The following TEK variants were observed in gnomAD, a reference collection of about 807,000 sequenced individuals.
TEK encodes the protein angiopoietin-1 receptor.
In TEK, 43 loss-of-function variants were observed where a neutral mutation model predicts 131.8. The observed-to-expected ratio is 0.33, with a 90% CI of 0.26 to 0.42. The LOEUF is 0.42. Ranked by LOEUF, TEK falls within the 10% of genes least tolerant of loss-of-function variation. The pLI, the probability that TEK is intolerant of heterozygous loss-of-function variation, is 1.00. For synonymous variants in TEK, 580 were observed against 491.6 expected (o/e 1.18, Z -2.38); for missense variants, 1,162 against 1,384.4 (o/e 0.84, Z 2.55).
At chr9:27,146,325 A>G (rs1462375039) in intron 1 of TEK, among the ~76,000 whole-genome samples, 1 of 152,200 alleles carries the variant, frequency 6.6e-6, no homozygotes, top group Non-Finnish European at 1.5e-5. Flanking sequence ...ATACAACTCT[A>G]TGAGTTTTAA....
chr9:27,138,491 T>C (rs1564053917), intron 1 of TEK, among the ~76,000 whole-genome samples: 1 of 152,218 alleles, frequency 6.6e-6, no homozygotes, highest in Non-Finnish European at 1.5e-5. Flanking sequence ...AGAGTGCTGA[T>C]TGGTGCATTT....
chr9:27,223,409 A>T (rs191026215), intron 21 of TEK, among the ~76,000 whole-genome samples: 10 of 151,542 alleles, frequency 6.6e-5, no homozygotes, highest in Admixed American at 5.9e-4. Context: ...AACGGAAATC[A>T]TAACAGTTTC....
At chr9:27,192,276 T>C (rs1824849195) in intron 10 of TEK, among the ~76,000 whole-genome samples, 1 of 152,196 alleles carries the variant, frequency 6.6e-6, no homozygotes. Flanking sequence ...AAATACACAC[T>C]TTAATGTGTA....
chr9:27,201,783 A>T (rs1825221547), intron 12 of TEK, among the ~76,000 whole-genome samples: 1 of 152,220 alleles, frequency 6.6e-6, no homozygotes, highest in African/African-American at 2.4e-5. Flanking sequence ...TGGAAAAACA[A>T]TGGTGTATGG....
chr9:27,142,269 G>A (rs899205096), intron 1 of TEK, among the ~76,000 whole-genome samples: 3 of 152,186 alleles, frequency 2.0e-5, no homozygotes, highest in Non-Finnish European at 2.9e-5. Context: ...GAATCTTTAC[G>A]ATACAATGAG....
Position 27,172,682 on chromosome 9 carries a change from T to C in TEK, c.695T>C (p.Val232Ala), listed in dbSNP as rs1824002685. ...HLCTACMNNG[V>A]CHEDTGECIC... ...TGTACTGCTTGTATGAACAATGGTGTCTGCCATGAAGATACTGGAGAATGC... is the reference window on the plus strand; with the variant it reads ...TGTACTGCTTGTATGAACAATGGTGCCTGCCATGAAGATACTGGAGAATGC... Residue 232 changes from valine to alanine, a missense_variant, in exon 5 of 23, where the codon GTC (valine) becomes GCC (alanine). This residue lies in a region of TEK where 436 missense variants were observed against 539.1 expected (regional missense o/e 0.81). Transcript: ENST00000380036. 1.2e-6 allele frequency: 2 copies of C among 1,613,714 alleles called. No individual in the cohort carries two copies. The highest frequency in any genetic ancestry group is 1.7e-6 in the Non-Finnish European group (2 of 1,179,760).
intron 1 of TEK, among the ~76,000 whole-genome samples, chr9:27,123,406 C>T (rs958103566): frequency 2.6e-5 from 4 of 152,146 alleles, no homozygotes; most frequent in African/African-American, 9.7e-5. Flanking sequence ...CAGGTACTCT[C>T]CTTCCCCTGC....
intron 1 of TEK, among the ~76,000 whole-genome samples, chr9:27,139,027 G>A (rs1822615000): frequency 6.6e-6 from 1 of 151,744 alleles, no homozygotes; most frequent in African/African-American, 2.4e-5. Context: ...GGCTAACCTG[G>A]TGAAATCCAT....
intron 1 of TEK, among the ~76,000 whole-genome samples, chr9:27,127,018 A>T (rs566924615): frequency 6.6e-6 from 1 of 152,122 alleles, no homozygotes; most frequent in Non-Finnish European, 1.5e-5. Flanking sequence ...GTACATTTTG[A>T]GCAGAAAGTG....
chr9:27,142,505 A>G (rs1822763659), intron 1 of TEK, among the ~76,000 whole-genome samples: 1 of 152,250 alleles, frequency 6.6e-6, no homozygotes, highest in Non-Finnish European at 1.5e-5. Flanking sequence ...TGGTCAGGCC[A>G]TAATTTCTGG....
rs761822823 is a variant in TEK at position 27,158,002 on chromosome 9, C to T, written c.224C>T (p.Thr75Ile). Residue 75 changes from threonine to isoleucine, a missense_variant, in exon 2 of 23, where the codon ACT becomes ATT. Coordinates refer to ENST00000380036, the MANE Select transcript of TEK (RefSeq NM_000459.5). The part of the protein sequence containing the change: ...MNQHQDPLEV[T>I]QDVTREWAKK... Reference sequence around the variant, plus strand: ...CAGCACCAGGATCCGCTGGAAGTTACTCAAGATGTGACCAGAGAATGGGCT... The same window carrying T: ...CAGCACCAGGATCCGCTGGAAGTTATTCAAGATGTGACCAGAGAATGGGCT... The T allele has an allele frequency of 6.2e-7, 1 of 1,614,090 alleles. No individual in the cohort carries two copies. The highest frequency in any genetic ancestry group is 8.5e-7 in the Non-Finnish European group (1 of 1,180,016).
At chr9:27,207,855 T>A (rs1442525280) in intron 15 of TEK, among the ~76,000 whole-genome samples, 1 of 152,142 alleles carries the variant, frequency 6.6e-6, no homozygotes, top group Non-Finnish European at 1.5e-5. Flanking sequence ...CAAAATATTA[T>A]CTATGATTAG....
chr9:27,184,942 G>T (rs10967761), intron 8 of TEK, among the ~76,000 whole-genome samples: 6,613 of 152,016 alleles, frequency 0.044, 188 homozygotes, highest in Middle Eastern at 0.085. Flanking sequence ...TGGGTGAGGT[G>T]GGGGGATCAC....
At chr9:27,220,876 G>A (rs1826038731) in intron 21 of TEK, among the ~76,000 whole-genome samples, 1 of 152,206 alleles carries the variant, frequency 6.6e-6, no homozygotes, top group Admixed American at 6.5e-5. Context: ...CACCAAGCTA[G>A]CTGCAGGAGT....
intron 21 of TEK, 150 bp downstream of exon 21, chr9:27,220,295 C>T: frequency 1.4e-6 from 1 of 691,870 alleles, no homozygotes; most frequent in Non-Finnish European, 2.6e-6. Context: ...CCCTTTTATT[C>T]ACCTAATACT....
chr9:27,197,862 A>C (rs1364773230), intron 12 of TEK, among the ~76,000 whole-genome samples: 1 of 152,186 alleles, frequency 6.6e-6, no homozygotes, highest in Admixed American at 6.5e-5. Flanking sequence ...TAGTAACAAG[A>C]AGTTTTTCTA....
chr9:27,228,083 C>A, intron 21 of TEK, 123 bp from the exon 22 acceptor site: 1 of 713,360 alleles, frequency 1.4e-6, no homozygotes, highest in Non-Finnish European at 2.4e-6. Flanking sequence ...TTCCTAGGGG[C>A]TGTACTTTGG....
intron 1 of TEK, among the ~76,000 whole-genome samples, chr9:27,155,838 A>G (rs1295860594): frequency 1.4e-5 from 2 of 145,494 alleles, no homozygotes. Flanking sequence ...TTTTTTTGAG[A>G]CAGAATTTTG....
At chr9:27,133,091 G>A (rs1360463564) in intron 1 of TEK, among the ~76,000 whole-genome samples, 4 of 152,296 alleles carry the variant, frequency 2.6e-5, no homozygotes, top group South Asian at 2.1e-4. Flanking sequence ...CAGGTCTTCC[G>A]AAGCTGCCAT....
Sources: gnomAD v4.1 joint callset for allele counts (sites outside exome capture counted in the v4.1 genomes callset) on GRCh38, gnomAD v4.1.1 for gene constraint, gnomAD v4.1.1 regional missense constraint, MANE v1.5 for transcripts, NCBI Gene and HGNC (gene_info 2026-07-23, HGNC 2026-07-21) for gene names.